FOXK1: variants seen among roughly 807,000 people sequenced by gnomAD.
The protein encoded by FOXK1 is forkhead box K1.
FOXK1 carries 19 observed loss-of-function variants against 51.9 expected under a neutral mutation model. The ratio of observed to expected loss-of-function variants is 0.37; its 90% confidence interval spans 0.26 to 0.54. The LOEUF (loss-of-function observed/expected upper bound fraction) is 0.54, where lower values mean the gene tolerates loss of function less well. Ranked by LOEUF, FOXK1 falls within the 20% of genes least tolerant of loss-of-function variation. The probability of loss-of-function intolerance (pLI) is 0.87; values close to 1 mark genes in which losing one functional copy is unlikely to be tolerated. For synonymous variants in FOXK1, 537 were observed against 482.6 expected (o/e 1.11, Z -1.48); for missense variants, 870 against 1,032.7 (o/e 0.84, Z 2.16).
intron 1 of FOXK1, among the ~76,000 whole-genome samples, chr7:4,699,188 T>C (rs1438074157): frequency 6.6e-6 from 1 of 152,128 alleles, no homozygotes; most frequent in Non-Finnish European, 1.5e-5. Flanking sequence ...CTGGGCTGGC[T>C]CTCCACATAC....
chr7:4,762,379 G>A lies in FOXK1; in HGVS notation c.2117G>A (p.Arg706Gln), dbSNP rs956842327. Residue 706 changes from arginine to glutamine, a missense_variant, in exon 9 of 9, where the codon CGG becomes CAG. Coordinates refer to ENST00000328914, the MANE Select transcript of FOXK1 (RefSeq NM_001037165.2). This position sits in a 1 kb window ranked among gnomAD's most constrained non-coding sequence, Gnocchi z 5.7. The stretch of plus-strand genomic sequence containing the variant: ...GGAGAGCCCGAGGTCAAAAGGTCCC[G>A]GGTGGAGGAGCCCAGTGGTGCTGTA... Reference protein sequence around the residue: ...STGEPEVKRSRVEEPSGAVTT... With the variant: ...STGEPEVKRSQVEEPSGAVTT... The A allele has an allele frequency of 3.2e-6, 5 of 1,549,902 alleles. No individual in the cohort carries two copies. The highest frequency in any genetic ancestry group is 1.4e-5 in the African/African-American group (1 of 73,014).
chr7:4,729,432 G>A lies in FOXK1; in HGVS notation c.561-11406G>A, dbSNP rs113824754. On this transcript the variant is annotated intron_variant, in intron 1 of 8. Transcript: ENST00000328914. The surrounding 1 kb of genome is among the most constrained non-coding windows in gnomAD (Gnocchi z 6.2). The stretch of plus-strand genomic sequence containing the variant: ...GGAAGCAGTCACCTACCAGATGAGC[G>A]TTCCTTCCGCGAAGGGAAGGTGGGG... Among the ~76,000 whole-genome samples, 48 of 152,336 alleles carry A rather than the reference G, an allele frequency of 3.2e-4. 2 individuals carry two copies. The South Asian group carries it at 3.5e-3, about 11-fold the overall frequency.
In FOXK1 at chr7:4,731,554, G is replaced by A. The variant is rs1391477266; in HGVS notation, c.561-9284G>A. ...GCGGGTGCATCACCTGAGGTCAGGAGTTCAAGACCAGCCTGGCCAACATGG... is the reference window on the plus strand; with the variant it reads ...GCGGGTGCATCACCTGAGGTCAGGAATTCAAGACCAGCCTGGCCAACATGG... On this transcript the variant is annotated intron_variant, in intron 1 of 8. Transcript: ENST00000328914. This position sits in a 1 kb window ranked among gnomAD's most constrained non-coding sequence, Gnocchi z 5.3. 6.6e-6 allele frequency among the ~76,000 whole-genome samples: 1 copy of A among 152,186 alleles called. No homozygotes were observed. Among genetic ancestry groups the A allele is most frequent in the Admixed American group, 6.5e-5 (1 of 15,276 alleles).
Position 4,769,175 on chromosome 7 carries a change from A to G in FOXK1, c.*6711A>G, listed in dbSNP as rs3750017. 1 of 152,218 alleles carries G rather than the reference A, an allele frequency of 6.6e-6. No individual in the cohort carries two copies. The highest frequency in any genetic ancestry group is 2.1e-4 in the South Asian group (1 of 4,838). 9.4% of individuals were successfully genotyped at this position (152,218 alleles called of 1,614,324 possible). A position where few individuals can be genotyped will look rare whatever the true frequency, so the allele number is the denominator to read the frequency against. On this transcript the variant is annotated 3_prime_UTR_variant, in exon 9 of 9. Transcript: ENST00000328914. The surrounding 1 kb of genome is among the most constrained non-coding windows in gnomAD (Gnocchi z 4.1). ...TCTGTCCAGGGAGAAACCCCTCGGA[A>G]GAATCTTAGTCACTCTTTGCACCTG...
At chr7:4,741,546 G>A (rs1780634203) in intron 2 of FOXK1, among the ~76,000 whole-genome samples, 1 of 152,128 alleles carries the variant, frequency 6.6e-6, no homozygotes, top group Non-Finnish European at 1.5e-5. Flanking sequence ...GGCCATGCTG[G>A]TCTCGAACTC....
intron 1 of FOXK1, among the ~76,000 whole-genome samples, chr7:4,696,511 C>T (rs1217675354): frequency 6.6e-6 from 1 of 152,176 alleles, no homozygotes; most frequent in African/African-American, 2.4e-5. Flanking sequence ...AGTACTCGTC[C>T]TTTGAGCTCG....
At chr7:4,742,448 A>G (rs936677157) in intron 2 of FOXK1, among the ~76,000 whole-genome samples, 1 of 151,950 alleles carries the variant, frequency 6.6e-6, no homozygotes, top group Non-Finnish European at 1.5e-5. Context: ...ACAGCGTCTC[A>G]CTCTGTCGTC....
intron 1 of FOXK1, among the ~76,000 whole-genome samples, chr7:4,739,442 C>G (rs1319429964): frequency 1.3e-5 from 2 of 152,178 alleles, no homozygotes; most frequent in Non-Finnish European, 2.9e-5. Context: ...TTAACTGAGT[C>G]CCACAGTTAG....
Position 4,733,754 on chromosome 7 carries a change from G to C in FOXK1, c.561-7084G>C, listed in dbSNP as rs1380463101. Among the ~76,000 whole-genome samples, 7 of 152,242 alleles carry C rather than the reference G, an allele frequency of 4.6e-5. No individual in the cohort carries two copies. The highest frequency in any genetic ancestry group is 1.4e-4 in the African/African-American group (6 of 41,466). ...ACCGGCCTGGCGTCTTCTGGCCCTT[G>C]CTCTTGGGTCTGCTGTTTCTCTCAC... On this transcript the variant is annotated intron_variant, in intron 1 of 8. Transcript: ENST00000328914. The surrounding 1 kb of genome is among the most constrained non-coding windows in gnomAD (Gnocchi z 5.0).
rs1780891379 is a variant in FOXK1, at chr7:4,758,916, G to A, written c.1245-135G>A. ...TCAGGTTACGGGGGCGTTTCTCACCGTCTGAATGCGGAGGACAGAGACGAG... is the reference window on the plus strand; with the variant it reads ...TCAGGTTACGGGGGCGTTTCTCACCATCTGAATGCGGAGGACAGAGACGAG... On this transcript the variant is annotated intron_variant, in intron 5 of 8. Transcript: ENST00000328914. This position sits in a 1 kb window ranked among gnomAD's most constrained non-coding sequence, Gnocchi z 4.4. 2.1e-6 allele frequency: 2 copies of A among 942,300 alleles called. No homozygotes were observed. Among genetic ancestry groups the A allele is most frequent in the South Asian group, 1.7e-5 (1 of 59,572 alleles). The allele number at this position is 942,300 out of a possible 1,614,324, so 58.4% of individuals were successfully genotyped here. A position where few individuals can be genotyped will look rare whatever the true frequency, so the allele number is the denominator to read the frequency against.
rs146002776 is a variant in FOXK1, at chr7:4,734,139, C to T, written c.561-6699C>T. On this transcript the variant is annotated intron_variant, in intron 1 of 8. Coordinates refer to ENST00000328914, the MANE Select transcript of FOXK1 (RefSeq NM_001037165.2). The surrounding 1 kb of genome is among the most constrained non-coding windows in gnomAD (Gnocchi z 5.2). ...TGCCGCCCAGCTCCTAGAAGACACGCGACTCCACAGCAGTTAGGAGACAGC... is the reference window on the plus strand; with the variant it reads ...TGCCGCCCAGCTCCTAGAAGACACGTGACTCCACAGCAGTTAGGAGACAGC... Among the ~76,000 whole-genome samples the T allele has an allele frequency of 1.8e-4, 27 of 152,274 alleles. No homozygotes were observed. Among genetic ancestry groups the T allele is most frequent in the Admixed American group, 6.5e-4 (10 of 15,298 alleles).
rs1780697796 is a variant in FOXK1, at chr7:4,745,989, T to C, written c.746+4966T>C. On this transcript the variant is annotated intron_variant, in intron 2 of 8. Transcript: ENST00000328914. This position sits in a 1 kb window ranked among gnomAD's most constrained non-coding sequence, Gnocchi z 4.3. ...CAGACAGACACCAGTCTAAAAAGTG[T>C]TCCTTAGAGGTAGAGTTTTAAGAAA... is the stretch of plus-strand genomic sequence containing the variant. 1.3e-5 allele frequency among the ~76,000 whole-genome samples: 2 copies of C among 152,220 alleles called. No individual in the cohort carries two copies. Among genetic ancestry groups the C allele is most frequent in the African/African-American group, 4.8e-5 (2 of 41,458 alleles).
Position 4,759,189 on chromosome 7 carries a change from A to C in FOXK1, c.1383A>C (p.Pro461=). The change falls in exon 6 of 9, where the codon CCA becomes CCC. Residue 461 remains proline, a synonymous_variant. Transcript: ENST00000328914. ...TTGGGTCCAAGTTAGCTTCTGTCCC[A>C]GAGTACCGGTATTCCCAAAGCGCAC... ...PEFGSKLASV[P]EYRYSQSAPG... is the part of the protein sequence containing the mutation. 1.2e-6 allele frequency: 2 copies of C among 1,611,704 alleles called. No homozygotes were observed. The highest frequency in any genetic ancestry group is 1.3e-5 in the African/African-American group (1 of 74,916).
At position 4,707,958 on chromosome 7, in the gene FOXK1, C is replaced by T. The variant is rs1003742504; in HGVS notation, c.560+25090C>T. Among the ~76,000 whole-genome samples the T allele has an allele frequency of 2.0e-5, 3 of 152,134 alleles. No individual in the cohort carries two copies. The highest frequency in any genetic ancestry group is 2.9e-5 in the Non-Finnish European group (2 of 68,022). On this transcript the variant is annotated intron_variant, in intron 1 of 8. Coordinates refer to ENST00000328914, the MANE Select transcript of FOXK1 (RefSeq NM_001037165.2). This position sits in a 1 kb window ranked among gnomAD's most constrained non-coding sequence, Gnocchi z 4.1. ...TCAGCCTCCCAAAGTGCTGGGATTA[C>T]ACCCATGAGCCACTGCGCTCAGCCT...
intron 1 of FOXK1, among the ~76,000 whole-genome samples, chr7:4,717,452 T>C (rs1186361203): frequency 3.6e-5 from 4 of 109,756 alleles, no homozygotes; most frequent in Non-Finnish European, 7.7e-5. Context: ...GACTGGGAGG[T>C]GTGTGGCTGG....
chr7:4,750,693 C>T (rs535998984), intron 2 of FOXK1, among the ~76,000 whole-genome samples: 43 of 149,716 alleles, frequency 2.9e-4, no homozygotes, highest in African/African-American at 9.9e-4. Context: ...CGTCATCCAC[C>T]CGCCTCGGTC....
At position 4,769,323 on chromosome 7, in the gene FOXK1, G is replaced by GC. The variant is rs1781062098; in HGVS notation, c.*6864dup. On this transcript the variant is annotated 3_prime_UTR_variant, in exon 9 of 9. Transcript: ENST00000328914. This position sits in a 1 kb window ranked among gnomAD's most constrained non-coding sequence, Gnocchi z 4.1. ...GAACACTGGCTGCGGAGGGCCCCCC[G>GC]CCCCCATCCCGCTTCAGGCCCCAGT... 6.6e-6 allele frequency: 1 copy of GC among 152,124 alleles called. No homozygotes were observed. The highest frequency in any genetic ancestry group is 1.5e-5 in the Non-Finnish European group (1 of 68,050). 9.4% of individuals were successfully genotyped at this position (152,124 alleles called of 1,614,324 possible). A position where few individuals can be genotyped will look rare whatever the true frequency, so the allele number is the denominator to read the frequency against.
At chr7:4,685,568 G>A (rs1317418464) in intron 1 of FOXK1, among the ~76,000 whole-genome samples, 2 of 147,910 alleles carry the variant, frequency 1.4e-5, no homozygotes, top group African/African-American at 2.5e-5. Context: ...TTACACCTAA[G>A]TAGTCACATA....
intron 1 of FOXK1, among the ~76,000 whole-genome samples, chr7:4,702,848 T>C (rs1780037552): frequency 6.6e-6 from 1 of 152,152 alleles, no homozygotes; most frequent in African/African-American, 2.4e-5. Flanking sequence ...CTCCCCTGCC[T>C]TCCTCTTCTC....
Sources: allele counts gnomAD v4.1 joint callset (sites outside exome capture counted in the v4.1 genomes callset), GRCh38; gene constraint gnomAD v4.1.1; non-coding constraint Gnocchi (gnomAD v3.1); transcripts MANE v1.5; gene names NCBI Gene and HGNC (gene_info 2026-07-23, HGNC 2026-07-21).